ZNF318: variants seen among roughly 807,000 people sequenced by gnomAD.
ZNF318 encodes endocrine regulator.
A neutral mutation model predicts 124.2 loss-of-function variants in ZNF318; 51 were observed. The observed-to-expected ratio is 0.41, with a 90% CI of 0.33 to 0.52. The LOEUF is 0.52. Ranked by LOEUF, ZNF318 falls within the 20% of genes least tolerant of loss-of-function variation. ZNF318 has a pLI of 0.23. For synonymous variants in ZNF318, 1,090 were observed against 1,040.7 expected (o/e 1.05, Z -0.91); for missense variants, 2,815 against 2,811.2 (o/e 1.00, Z -0.03).
chr6:43,348,282 G>A (rs1779476318), intron 6 of ZNF318, 42 bp downstream of exon 6: 1 of 1,562,162 alleles, frequency 6.4e-7, no homozygotes, highest in Non-Finnish European at 8.7e-7. Flanking sequence ...AGGAGTCTAA[G>A]GGAAAAAAAA....
At chr6:43,340,958 T>C (rs1779367314) in intron 8 of ZNF318, 50 bp from the exon 9 acceptor site, 3 of 1,354,498 alleles carry the variant, frequency 2.2e-6, no homozygotes, top group East Asian at 2.3e-5. Flanking sequence ...CCACCCAGAA[T>C]GACAGCAACC....
At chr6:43,341,193 C>A (rs1779369897) in intron 8 of ZNF318, among the ~76,000 whole-genome samples, 1 of 152,096 alleles carries the variant, frequency 6.6e-6, no homozygotes, top group African/African-American at 2.4e-5. Context: ...CTCCTCAAAC[C>A]CTAACTAGCA....
chr6:43,352,898 T>G (rs554453886), intron 4 of ZNF318, among the ~76,000 whole-genome samples: 1 of 152,346 alleles, frequency 6.6e-6, no homozygotes, highest in South Asian at 2.1e-4. Flanking sequence ...ATCCTCACAT[T>G]TTCACTATTT....
At position 43,337,994 on chromosome 6, in the gene ZNF318, C is replaced by G; in HGVS notation, c.6004G>C (p.Glu2002Gln). The change falls in exon 10 of 10, where the codon GAA becomes CAA. Residue 2002 changes from glutamate (E) to glutamine (Q), a missense_variant. By Grantham distance (29) the Glu-to-Gln change is conservative (BLOSUM62 2). This residue lies in a region of ZNF318 where 927 missense variants were observed against 820.6 expected (regional missense o/e 1.13). Transcript: ENST00000361428. The part of the protein sequence containing the change: ...TIESKALEDF[E>Q]ATDLKVEELT... ...TCCTCTACCTTTAAGTCTGTAGCTT[C>G]AAAGTCTTCTAGGGCCTTGCTTTCT... 1 of 1,614,184 alleles carries G rather than the reference C, an allele frequency of 6.2e-7. No homozygotes were observed. Among genetic ancestry groups the G allele is most frequent in the Non-Finnish European group, 8.5e-7 (1 of 1,180,026 alleles).
At chr6:43,365,462 T>C (rs1052610027) in intron 1 of ZNF318, 22 bp from the exon 2 acceptor site, 2 of 1,608,240 alleles carry the variant, frequency 1.2e-6, no homozygotes, top group Admixed American at 1.7e-5. Context: ...AAGGATAATA[T>C]GGTTAGTCAA....
rs767314934 is a variant in ZNF318 at position 43,355,038 on chromosome 6, C to G, written c.2296G>C (p.Ala766Pro). Residue 766 changes from alanine to proline, a missense_variant, in exon 4 of 10, where the codon GCC (alanine) becomes CCC (proline). Transcript: ENST00000361428. ...ATCCGAGCTGCAGCAAACTGAGAGG[C>G]CCTTGGCATGTGAAACTGAGATAAA... Reference protein sequence around the residue: ...AALSQFHMPRASQFAAARIPP... With the variant: ...AALSQFHMPRPSQFAAARIPP... The G allele has an allele frequency of 6.2e-7, 1 of 1,613,796 alleles. No homozygotes were observed. Among genetic ancestry groups the G allele is most frequent in the East Asian group, 2.2e-5 (1 of 44,880 alleles).
At chr6:43,363,484 C>CG (rs1262116547) in intron 2 of ZNF318, 4 of 200,122 alleles carry the variant, frequency 2.0e-5, no homozygotes, top group Non-Finnish European at 4.0e-5. Flanking sequence ...GCAGAGGCCC[C>CG]GGGGGCCCTG....
At position 43,337,011 on chromosome 6, in the gene ZNF318, T is replaced by TGGAGG. The variant is rs1779289045; in HGVS notation, c.*146_*147insCCTCC. The TGGAGG allele has an allele frequency of 1.5e-6, 1 of 667,186 alleles. No individual in the cohort carries two copies. Among genetic ancestry groups the TGGAGG allele is most frequent in the Non-Finnish European group, 2.2e-6 (1 of 449,478 alleles). The allele number at this position is 667,186 out of a possible 1,614,324, so 41.3% of individuals were successfully genotyped here. Reference sequence around the variant, plus strand: ...GGGAAAAGGAAAGGAGGTAAATTTTTTAGCTTCCATGAACATTTACTTTAA... The same window carrying TGGAGG: ...GGGAAAAGGAAAGGAGGTAAATTTTTGGAGGTAGCTTCCATGAACATTTACTTTAA... On this transcript the variant is annotated 3_prime_UTR_variant, in exon 10 of 10. Coordinates refer to ENST00000361428, the MANE Select transcript of ZNF318 (RefSeq NM_014345.3).
chr6:43,369,454 C>A lies in ZNF318; in HGVS notation c.-89G>T. 9.5e-7 allele frequency: 1 copy of A among 1,056,422 alleles called. No homozygotes were observed. Among genetic ancestry groups the A allele is most frequent in the Non-Finnish European group, 1.2e-6 (1 of 857,764 alleles). 65.4% of individuals were successfully genotyped at this position (1,056,422 alleles called of 1,614,324 possible). ...AGCGCGCCGCCGCAGCTGCAGCCGC[C>A]GCCACCTCGGCCGCTGCGCGCCGCC... On this transcript the variant is annotated 5_prime_UTR_variant, in exon 1 of 10. Coordinates refer to ENST00000361428, the MANE Select transcript of ZNF318 (RefSeq NM_014345.3).
chr6:43,369,528 G>C lies in ZNF318; in HGVS notation c.-163C>G, dbSNP rs549567596. 1 of 357,672 alleles carries C rather than the reference G, an allele frequency of 2.8e-6. No homozygotes were observed. The highest frequency in any genetic ancestry group is 1.6e-4 in the East Asian group (1 of 6,168). 22.2% of individuals were successfully genotyped at this position (357,672 alleles called of 1,614,324 possible). ...CCCTCGGCCCCGCGTCGCCCCGGGGGCCCGGCCGAGCGCGCCCCCGCGGCT... is the reference window on the plus strand; with the variant it reads ...CCCTCGGCCCCGCGTCGCCCCGGGGCCCCGGCCGAGCGCGCCCCCGCGGCT... On this transcript the variant is annotated 5_prime_UTR_variant, in exon 1 of 10. Coordinates refer to ENST00000361428, the MANE Select transcript of ZNF318 (RefSeq NM_014345.3).
In ZNF318 at chr6:43,338,264, C is replaced by G. The variant is rs368375236; in HGVS notation, c.5734G>C (p.Gly1912Arg). 61 of 1,614,018 alleles carry G rather than the reference C, an allele frequency of 3.8e-5. 1 individual carries two copies. Among genetic ancestry groups the G allele is most frequent in the African/African-American group, 4.0e-5 (3 of 74,942 alleles). ...CCCTCCTCACTAACAACTGAAACTC[C>G]TTGCTCTTGTGGACTACCTGTTAAA... Reference protein sequence around the residue: ...MCLTGSPQEQGVSVVSEEGLE... With the variant: ...MCLTGSPQEQRVSVVSEEGLE... Residue 1912 changes from glycine to arginine, a missense_variant, in exon 10 of 10, where the codon GGA becomes CGA. Gly to Arg is a moderately radical substitution (Grantham distance 125, BLOSUM62 -2). Transcript: ENST00000361428.
intron 4 of ZNF318, among the ~76,000 whole-genome samples, chr6:43,354,123 A>G (rs777673969): frequency 3.2e-4 from 49 of 152,272 alleles, no homozygotes; most frequent in Non-Finnish European, 5.4e-4. Flanking sequence ...ACACACACGT[A>G]ATTTTTTAAA....
rs763108663 is a variant in ZNF318 at position 43,342,862 on chromosome 6, A to C, written c.3090T>G (p.Asn1030Lys). Residue 1030 changes from asparagine to lysine, a missense_variant, in exon 7 of 10, where the codon AAT becomes AAG. Physicochemically the swap from Asn to Lys is moderately conservative, Grantham distance 94. Transcript: ENST00000361428. The part of the protein sequence containing the change: ...SSSNKESKVN[N>K]EKFRTKSPKP... ...TGGGGCTCTTAGTACGAAACTTCTC[A>C]TTGTTTACTTTTGATTCCTAGAGGG... 6.2e-7 allele frequency: 1 copy of C among 1,612,008 alleles called. No individual in the cohort carries two copies. Among genetic ancestry groups the C allele is most frequent in the Non-Finnish European group, 8.5e-7 (1 of 1,178,400 alleles).
At chr6:43,359,813 G>A (rs556724691) in intron 2 of ZNF318, among the ~76,000 whole-genome samples, 2 of 152,174 alleles carry the variant, frequency 1.3e-5, no homozygotes, top group African/African-American at 4.8e-5. Flanking sequence ...GGGAATCCAG[G>A]TTTCTGTTAC....
rs1407341450 is a variant in ZNF318, at chr6:43,355,682, A to G, written c.1652T>C (p.Val551Ala). 6.2e-7 allele frequency: 1 copy of G among 1,614,202 alleles called. No homozygotes were observed. The highest frequency in any genetic ancestry group is 2.2e-5 in the East Asian group (1 of 44,888). Reference protein sequence around the residue: ...DEEEDLKAESVPKPLGSSESE... With the variant: ...DEEEDLKAESAPKPLGSSESE... ...CTCAGAGCTCCCAAGGGGCTTTGGT[A>G]CGGATTCTGCCTTTAAATCCTCTTC... Residue 551 changes from valine to alanine, a missense_variant, in exon 4 of 10, where the codon GTA becomes GCA. Coordinates refer to ENST00000361428, the MANE Select transcript of ZNF318 (RefSeq NM_014345.3).
chr6:43,369,362 A>G lies in ZNF318; in HGVS notation c.4T>C (p.Tyr2His). The change falls in exon 1 of 10, where the codon TAC becomes CAC. Residue 2 changes from tyrosine (Y) to histidine (H), a missense_variant. By Grantham distance (83) the Tyr-to-His change is moderately conservative. Transcript: ENST00000361428. Reference sequence around the variant, plus strand: ...ACGGAGGAGCGAGCGCTGCTGCGGTACATGGTTCTTGCAGCGGCGGCCACG... The same window carrying G: ...ACGGAGGAGCGAGCGCTGCTGCGGTGCATGGTTCTTGCAGCGGCGGCCACG... M[Y>H]RSSARSSVSS... 1 of 1,287,966 alleles carries G rather than the reference A, an allele frequency of 7.8e-7. No individual in the cohort carries two copies. Among genetic ancestry groups the G allele is most frequent in the Non-Finnish European group, 9.9e-7 (1 of 1,011,682 alleles). 79.8% of individuals were successfully genotyped at this position (1,287,966 alleles called of 1,614,324 possible).
chr6:43,340,635 T>A, intron 9 of ZNF318, 133 bp from the exon 10 acceptor site: 1 of 1,497,884 alleles, frequency 6.7e-7, no homozygotes, highest in Non-Finnish European at 8.9e-7. Context: ...CGGGATGCTA[T>A]CTGCTGAGCA....
chr6:43,368,687 T>C, intron 1 of ZNF318: 3 of 985,474 alleles, frequency 3.0e-6, no homozygotes, highest in Non-Finnish European at 3.6e-6. Context: ...GCCCCTCGCC[T>C]TGGCAAACTT....
In ZNF318 at chr6:43,337,812, G is replaced by A. The variant is rs369509217; in HGVS notation, c.6186C>T (p.Phe2062=). ...ACCCAGAAAAAGATGGGATTGGTTC[G>A]AAGTCAGCGGGATCGGAGGAATTAC... is the stretch of plus-strand genomic sequence containing the variant. ...IGCNSSDPAD[F]EPIPSFSGFP... The change falls in exon 10 of 10, where the codon TTC becomes TTT. Residue 2062 remains phenylalanine (F), a synonymous_variant. Coordinates refer to ENST00000361428, the MANE Select transcript of ZNF318 (RefSeq NM_014345.3). 13 of 1,614,084 alleles carry A rather than the reference G, an allele frequency of 8.1e-6. No homozygotes were observed. The highest frequency in any genetic ancestry group is 8.0e-5 in the African/African-American group (6 of 74,930).
Sources: gnomAD v4.1 joint callset for allele counts (sites outside exome capture counted in the v4.1 genomes callset) on GRCh38, gnomAD v4.1.1 for gene constraint, gnomAD v4.1.1 regional missense constraint, MANE v1.5 for transcripts, NCBI Gene and HGNC (gene_info 2026-07-23, HGNC 2026-07-21) for gene names.